FAM78B: variants seen among roughly 807,000 people sequenced by gnomAD.
FAM78B encodes the protein protein FAM78B.
A neutral mutation model predicts 20.0 loss-of-function variants in FAM78B; 10 were observed. The observed-to-expected ratio is 0.50, with a 90% CI of 0.31 to 0.85. FAM78B has a LOEUF of 0.85. Among genes scored for constraint, FAM78B ranks in the 40% least tolerant of loss-of-function variants. The pLI is 0.05. For synonymous variants in FAM78B, 135 were observed against 132.8 expected (o/e 1.02, Z -0.12); for missense variants, 283 against 345.0 (o/e 0.82, Z 1.42).
intron 1 of FAM78B, among the ~76,000 whole-genome samples, chr1:166,082,901 G>A (rs1349735316): frequency 6.6e-6 from 1 of 152,182 alleles, no homozygotes; most frequent in Non-Finnish European, 1.5e-5. Context: ...GGTACTAAGT[G>A]CCTTTCCTCT....
intron 1 of FAM78B, among the ~76,000 whole-genome samples, chr1:166,071,172 C>A (rs1652015422): frequency 6.6e-6 from 1 of 152,080 alleles, no homozygotes; most frequent in African/African-American, 2.4e-5. Context: ...ATTCGATGTA[C>A]TTGGAAGGCA....
chr1:166,098,260 G>A (rs1416352127), intron 1 of FAM78B, among the ~76,000 whole-genome samples: 1 of 152,098 alleles, frequency 6.6e-6, no homozygotes, highest in Non-Finnish European at 1.5e-5. Flanking sequence ...CCCTTTGACA[G>A]AGACTACCCA....
At position 166,094,964 on chromosome 1, in the gene FAM78B, A is replaced by G. The variant is rs1319328094; in HGVS notation, c.264-24201T>C. 2.6e-5 allele frequency among the ~76,000 whole-genome samples: 4 copies of G among 152,306 alleles called. No homozygotes were observed. The South Asian group carries it at 8.3e-4, about 32-fold the overall frequency. ...TTAGATTGGTTCTGTCTATAAGAAA[A>G]TAAGTTTAGGGAGCTGAAGAGACTT... is the stretch of plus-strand genomic sequence containing the variant. On this transcript the variant is annotated intron_variant, in intron 1 of 1. Transcript: ENST00000354422.
At chr1:166,118,264 C>T (rs1030805705) in intron 1 of FAM78B, among the ~76,000 whole-genome samples, 3 of 151,998 alleles carry the variant, frequency 2.0e-5, no homozygotes, top group Admixed American at 6.6e-5. Context: ...AGGAACTTGT[C>T]GAGGAGCTTT....
At chr1:166,148,245 A>G (rs1571204876) in intron 1 of FAM78B, among the ~76,000 whole-genome samples, 1 of 152,198 alleles carries the variant, frequency 6.6e-6, no homozygotes, top group East Asian at 1.9e-4. Context: ...TGGTACAGTA[A>G]TTTGGCAAGA....
intron 1 of FAM78B, chr1:166,154,859 G>C (rs1655835048): frequency 1.5e-5 from 7 of 472,164 alleles, no homozygotes; most frequent in Admixed American, 2.3e-5. Context: ...AAATGAGCTA[G>C]ATGATTTCCC....
At chr1:166,075,335 T>C (rs1373763804) in intron 1 of FAM78B, among the ~76,000 whole-genome samples, 1 of 152,162 alleles carries the variant, frequency 6.6e-6, no homozygotes, top group Non-Finnish European at 1.5e-5. Flanking sequence ...CAAAGGTAGA[T>C]TCTTCAAGGT....
intron 1 of FAM78B, among the ~76,000 whole-genome samples, chr1:166,109,886 A>ATATATATGTGTATATATG (rs1553219467): frequency 5.4e-5 from 1 of 18,542 alleles, no homozygotes; most frequent in Non-Finnish European, 1.0e-4. Context: ...ATATATGTAT[A>ATATATATGTGTATATATG]TATGTATATA....
rs1317155688 is a variant in FAM78B at position 166,166,179 on chromosome 1, A to G, written c.70T>C (p.Cys24Arg). ...RRENIVVYDVCATIDQCPTRI... is the reference protein window; with the variant it reads ...RRENIVVYDVRATIDQCPTRI... ...GTGGGGCACTGGTCGATGGTGGCGC[A>G]CACATCGTACACCACGATGTTCTCG... Residue 24 changes from cysteine (C) to arginine (R), a missense_variant, in exon 1 of 2, where the codon TGC (cysteine) becomes CGC (arginine). Transcript: ENST00000354422. The G allele has an allele frequency of 1.3e-6, 2 of 1,598,080 alleles. No homozygotes were observed. Among genetic ancestry groups the G allele is most frequent in the South Asian group, 2.3e-5 (2 of 88,842 alleles).
chr1:166,090,048 A>G (rs926862422), intron 1 of FAM78B, among the ~76,000 whole-genome samples: 3 of 152,096 alleles, frequency 2.0e-5, no homozygotes, highest in African/African-American at 7.2e-5. Context: ...GGAAGCCAAT[A>G]ATTGCCTCTT....
intron 1 of FAM78B, among the ~76,000 whole-genome samples, chr1:166,095,231 C>A (rs575594320): frequency 2.7e-4 from 41 of 152,100 alleles, no homozygotes; most frequent in Non-Finnish European, 1.2e-4. Context: ...GCCCTGTGTG[C>A]GGAGTGGGCT....
At chr1:166,144,145 TG>T (rs1655375835) in intron 1 of FAM78B, among the ~76,000 whole-genome samples, 1 of 152,200 alleles carries the variant, frequency 6.6e-6, no homozygotes, top group South Asian at 2.1e-4. Context: ...ATGAAGGGCT[TG>T]GTGGGTGCCC....
chr1:166,131,636 T>C (rs578203859), intron 1 of FAM78B, among the ~76,000 whole-genome samples: 1 of 152,240 alleles, frequency 6.6e-6, no homozygotes, highest in East Asian at 1.9e-4. Flanking sequence ...TTTGACTGAT[T>C]TGGGCTCAAT....
chr1:166,143,696 G>C (rs1655359476), intron 1 of FAM78B, among the ~76,000 whole-genome samples: 1 of 152,140 alleles, frequency 6.6e-6, no homozygotes, highest in Non-Finnish European at 1.5e-5. Context: ...ATGAAGGTGA[G>C]AGGCAGTGAG....
intron 1 of FAM78B, among the ~76,000 whole-genome samples, chr1:166,106,985 G>A (rs1337420839): frequency 6.6e-6 from 1 of 152,026 alleles, no homozygotes; most frequent in Non-Finnish European, 1.5e-5. Flanking sequence ...CGAAATCTCT[G>A]GGATACAACA....
chr1:166,129,260 G>A (rs781149397), intron 1 of FAM78B, among the ~76,000 whole-genome samples: 18 of 152,232 alleles, frequency 1.2e-4, no homozygotes, highest in Admixed American at 2.0e-4. Flanking sequence ...CATGTGCTCC[G>A]CATGCAATTC....
At chr1:166,153,946 CA>C (rs1326631101) in intron 1 of FAM78B, among the ~76,000 whole-genome samples, 1 of 152,196 alleles carries the variant, frequency 6.6e-6, no homozygotes, top group East Asian at 1.9e-4. Flanking sequence ...GCAGACACAG[CA>C]CCATTTGATC....
At chr1:166,118,877 T>C (rs1200466192) in intron 1 of FAM78B, among the ~76,000 whole-genome samples, 2 of 152,092 alleles carry the variant, frequency 1.3e-5, no homozygotes, top group Non-Finnish European at 2.9e-5. Flanking sequence ...CAATGTCCCA[T>C]CCCCAGCTCC....
In FAM78B at chr1:166,151,477, C is replaced by T. The variant is rs189140866; in HGVS notation, c.263+14509G>A. Among the ~76,000 whole-genome samples, 40 of 152,218 alleles carry T rather than the reference C, an allele frequency of 2.6e-4. No homozygotes were observed. In the East Asian group the frequency reaches 7.0e-3, roughly 26 times the overall value. On this transcript the variant is annotated intron_variant, in intron 1 of 1. Transcript: ENST00000354422. ...CTCCCAGCATCCAAGGAAGACTCTCCCTCTTAGAATAAAGCCCTAAACATT... is the reference window on the plus strand; with the variant it reads ...CTCCCAGCATCCAAGGAAGACTCTCTCTCTTAGAATAAAGCCCTAAACATT...
Sources: allele counts gnomAD v4.1 joint callset (sites outside exome capture counted in the v4.1 genomes callset), GRCh38; gene constraint gnomAD v4.1.1; transcripts MANE v1.5; gene names NCBI Gene and HGNC (gene_info 2026-07-23, HGNC 2026-07-21).